The following EMID1 variants were observed in gnomAD, a reference collection of about 807,000 sequenced individuals.
EMID1 encodes the protein EMI domain-containing protein 1.
Under a neutral mutation model 60.6 loss-of-function variants are expected in EMID1, and 40 were observed. The ratio of observed to expected loss-of-function variants is 0.66; its 90% CI spans 0.51 to 0.86. EMID1 has a LOEUF of 0.86. EMID1 is among the 40% of genes least tolerant of loss of function. The pLI, the probability that EMID1 is intolerant of heterozygous loss-of-function variation, is 0.00. For synonymous variants in EMID1, 242 were observed against 231.0 expected (o/e 1.05, Z -0.43); for missense variants, 585 against 597.1 (o/e 0.98, Z 0.21).
chr22:29,229,542 C>T (rs1416056091), intron 5 of EMID1, among the ~76,000 whole-genome samples: 1 of 151,714 alleles, frequency 6.6e-6, no homozygotes, highest in Non-Finnish European at 1.5e-5. Context: ...ACTAGGGAGG[C>T]CGAGGCAGGA....
intron 3 of EMID1, chr22:29,216,453 A>G: frequency 1.0e-6 from 1 of 985,490 alleles, no homozygotes; most frequent in Non-Finnish European, 1.2e-6. Context: ...GGGCTGGCCC[A>G]GAACCATCCT....
At chr22:29,243,294 C>A in intron 12 of EMID1, 151 bp from the exon 13 acceptor site, 1 of 699,002 alleles carries the variant, frequency 1.4e-6, no homozygotes. Flanking sequence ...TGCCTTCAAT[C>A]AGTTGGTTTT....
chr22:29,221,226 C>T (rs1254895787), intron 3 of EMID1, among the ~76,000 whole-genome samples: 1 of 142,148 alleles, frequency 7.0e-6, no homozygotes, highest in Non-Finnish European at 1.6e-5. Context: ...CAGGGCCCCC[C>T]TGAGAGGACA....
intron 13 of EMID1, among the ~76,000 whole-genome samples, chr22:29,248,774 G>A (rs987538382): frequency 6.6e-6 from 1 of 151,966 alleles, no homozygotes; most frequent in Non-Finnish European, 1.5e-5. Flanking sequence ...CGGGGAAGTC[G>A]AGGCTGCAGT....
At chr22:29,230,633 C>T (rs1457457317) in intron 5 of EMID1, among the ~76,000 whole-genome samples, 1 of 152,186 alleles carries the variant, frequency 6.6e-6, no homozygotes, top group East Asian at 1.9e-4. Context: ...CCATGTGCCT[C>T]CTGCCTCCCA....
chr22:29,232,445 G>A (rs1304229576), intron 8 of EMID1, 43 bp downstream of exon 8: 14 of 1,508,810 alleles, frequency 9.3e-6, no homozygotes, highest in Non-Finnish European at 9.7e-6. Flanking sequence ...TGGGGGTGGA[G>A]TAGCCATCAG....
chr22:29,235,572 T>C (rs1321365942), intron 12 of EMID1, among the ~76,000 whole-genome samples: 1 of 151,926 alleles, frequency 6.6e-6, no homozygotes, highest in Non-Finnish European at 1.5e-5. Flanking sequence ...TATGATTTCT[T>C]TTTTCTTTTT....
Position 29,215,634 on chromosome 22 carries a change from G to T in EMID1, c.319+4G>T. On this transcript the variant is annotated splice_donor_region_variant and intron_variant, in intron 3 of 14. Coordinates refer to ENST00000334018, the MANE Select transcript of EMID1 (RefSeq NM_133455.4). ...TCAGGAGTGAGCTGCGAGGAAGGTA[G>T]GACTGCCCGGCCGGCTCCCGGAGCC... The T allele has an allele frequency of 6.2e-7, 1 of 1,613,434 alleles. No individual in the cohort carries two copies. Among genetic ancestry groups the T allele is most frequent in the Non-Finnish European group, 8.5e-7 (1 of 1,179,478 alleles).
chr22:29,206,915 C>A (rs1175046043), intron 1 of EMID1, among the ~76,000 whole-genome samples: 6 of 152,234 alleles, frequency 3.9e-5, no homozygotes, highest in Admixed American at 3.3e-4. Context: ...GGTTGCAAAT[C>A]TGCCCTTCTA....
chr22:29,230,995 AC>A, intron 5 of EMID1, 24 bp from the exon 6 acceptor site: 1 of 1,605,956 alleles, frequency 6.2e-7, no homozygotes, highest in Non-Finnish European at 8.5e-7. Context: ...CCTGGTACCC[AC>A]CCCGTCCCTG....
intron 3 of EMID1, among the ~76,000 whole-genome samples, chr22:29,216,011 G>A (rs1336265806): frequency 6.6e-6 from 1 of 152,210 alleles, no homozygotes; most frequent in Non-Finnish European, 1.5e-5. Flanking sequence ...AGAGAGGTAA[G>A]AATGGTTTTA....
intron 12 of EMID1, among the ~76,000 whole-genome samples, chr22:29,235,933 G>C (rs1443803168): frequency 6.6e-6 from 1 of 151,874 alleles, no homozygotes; most frequent in African/African-American, 2.4e-5. Flanking sequence ...GGGACCACAG[G>C]CATGTACCAC....
intron 14 of EMID1, chr22:29,255,349 A>G (rs1439511155): frequency 6.6e-7 from 1 of 1,509,586 alleles, no homozygotes; most frequent in African/African-American, 1.4e-5. Flanking sequence ...CCTGGAAGCC[A>G]TCATCTGGCC....
At chr22:29,245,868 C>T (rs148361795) in intron 13 of EMID1, among the ~76,000 whole-genome samples, 242 of 152,290 alleles carry the variant, frequency 1.6e-3, no homozygotes, top group African/African-American at 5.7e-3. Context: ...GGAGCCCTGA[C>T]TTTTAAGTTC....
rs1568975307 is a variant in EMID1 at position 29,220,843 on chromosome 22, G to A, written c.320-4290G>A. Among the ~76,000 whole-genome samples, 4 of 152,272 alleles carry A rather than the reference G, an allele frequency of 2.6e-5. No homozygotes were observed. In the South Asian group the frequency reaches 8.3e-4, roughly 32 times the overall value. On this transcript the variant is annotated intron_variant, in intron 3 of 14. Coordinates refer to ENST00000334018, the MANE Select transcript of EMID1 (RefSeq NM_133455.4). ...CACAAAGCTTCTTAGCTCAGGCCTG[G>A]CACTGGGCAGAGGGAAGAAGAGCTG...
At chr22:29,212,300 A>T (rs906332055) in intron 1 of EMID1, among the ~76,000 whole-genome samples, 3 of 151,652 alleles carry the variant, frequency 2.0e-5, no homozygotes, top group Non-Finnish European at 4.4e-5. Context: ...TTTTTTAATT[A>T]AAAAAAATTT....
chr22:29,224,792 C>T (rs1051210939), intron 3 of EMID1, among the ~76,000 whole-genome samples: 2 of 152,218 alleles, frequency 1.3e-5, no homozygotes, highest in African/African-American at 4.8e-5. Flanking sequence ...CCAGAGAGGA[C>T]AAGTCATGCA....
chr22:29,213,509 G>A (rs913777549), intron 1 of EMID1, among the ~76,000 whole-genome samples: 2 of 152,208 alleles, frequency 1.3e-5, no homozygotes, highest in African/African-American at 4.8e-5. Flanking sequence ...GCCCTAAATT[G>A]AGTTAGTTGC....
intron 3 of EMID1, among the ~76,000 whole-genome samples, chr22:29,217,450 C>T (rs7285309): frequency 0.068 from 10,339 of 152,284 alleles, 439 homozygotes; most frequent in South Asian, 0.21. Context: ...GGCCTTGGGC[C>T]GGGGACTTCC....
Sources: allele counts gnomAD v4.1 joint callset (sites outside exome capture counted in the v4.1 genomes callset), GRCh38; gene constraint gnomAD v4.1.1; transcripts MANE v1.5; gene names NCBI Gene and HGNC (gene_info 2026-07-23, HGNC 2026-07-21).